ZBED6: variants seen among roughly 807,000 people sequenced by gnomAD.
The protein encoded by ZBED6 is zinc finger BED-type containing 6.
A neutral mutation model predicts 58.4 loss-of-function variants in ZBED6; 40 were observed. That is an observed-to-expected ratio of 0.68 (90% confidence interval 0.53 to 0.89). The LOEUF is 0.89. Ranked by LOEUF, ZBED6 falls within the 40% of genes least tolerant of loss-of-function variation. The pLI, the probability that ZBED6 is intolerant of heterozygous loss-of-function variation, is 0.00. For synonymous variants in ZBED6, 439 were observed against 350.6 expected (o/e 1.25, Z -2.82); for missense variants, 1,057 against 1,003.9 (o/e 1.05, Z -0.71).
chr1:203,847,389 G>A (rs1252857605), exon 12 of ZBED6: 1 of 1,613,854 alleles, frequency 6.2e-7, no homozygotes, highest in South Asian at 1.1e-5. Context: ...AAAAACATCG[G>A]CAGCAGGAAG....
At chr1:203,848,278 A>G (rs1358662400) in intron 12 of ZBED6, 53 bp from the exon 13 acceptor site, 2 of 1,445,310 alleles carry the variant, frequency 1.4e-6, no homozygotes, top group South Asian at 2.4e-5. Context: ...CATATCTATC[A>G]TGAAGTTGCA....
At chr1:203,824,646 C>T (rs533829606) in intron 3 of ZBED6, among the ~76,000 whole-genome samples, 1 of 115,250 alleles carries the variant, frequency 8.7e-6, no homozygotes, top group Non-Finnish European at 2.0e-5. Flanking sequence ...ATACTGTAAA[C>T]AAGTGTCCTT....
intron 1 of ZBED6, among the ~76,000 whole-genome samples, chr1:203,812,206 G>C (rs1271056011): frequency 6.6e-6 from 1 of 152,088 alleles, no homozygotes; most frequent in African/African-American, 2.4e-5. Flanking sequence ...TTGTTGTACA[G>C]ATTATTTCAT....
rs991581429 is a variant in ZBED6, at chr1:203,819,844, A to AT, written c.*2873+1162dup. On this transcript the variant is annotated intron_variant, in intron 3 of 16. Coordinates refer to ENST00000550078, the Ensembl canonical transcript of ZBED6. ...CCACCGCGCCCAGCCGACTCCAGCA[A>AT]TTTTTTTAAAAAGATTAACATTGAT... 2.0e-5 allele frequency among the ~76,000 whole-genome samples: 3 copies of AT among 151,514 alleles called. No homozygotes were observed. In the East Asian group the frequency reaches 5.8e-4, roughly 29 times the overall value.
At chr1:203,799,396 T>G in exon 1 of ZBED6, 1 of 703,246 alleles carries the variant, frequency 1.4e-6, no homozygotes, top group Non-Finnish European at 2.6e-6. Context: ...GCCCGTCAGA[T>G]ACTGCAAGAG....
chr1:203,841,812 T>G (rs1558137791), intron 11 of ZBED6, among the ~76,000 whole-genome samples: 7 of 143,216 alleles, frequency 4.9e-5, no homozygotes, highest in Non-Finnish European at 9.4e-5. Context: ...ACGGGGCGGC[T>G]GCCGGGCGGA....
chr1:203,848,009 C>T (rs957208547), intron 12 of ZBED6, among the ~76,000 whole-genome samples: 1 of 152,098 alleles, frequency 6.6e-6, no homozygotes, highest in Admixed American at 6.5e-5. Context: ...ACATGTGCCA[C>T]CACACCCCGC....
intron 10 of ZBED6, among the ~76,000 whole-genome samples, chr1:203,839,557 C>T (rs1359023359): frequency 6.6e-6 from 1 of 152,016 alleles, no homozygotes; most frequent in East Asian, 1.9e-4. Flanking sequence ...AGTAGACGTT[C>T]CTGTTTGGAG....
At chr1:203,807,564 C>T (rs1180422998) in intron 1 of ZBED6, among the ~76,000 whole-genome samples, 3 of 149,668 alleles carry the variant, frequency 2.0e-5, no homozygotes, top group African/African-American at 7.4e-5. Flanking sequence ...TCTCGCTCTG[C>T]CTCCCAGGCT....
exon 1 of ZBED6, chr1:203,799,073 C>A (rs758254040): frequency 6.5e-7 from 1 of 1,535,938 alleles, no homozygotes; most frequent in African/African-American, 1.4e-5. Context: ...GCAGGATCCC[C>A]GATTTTAGAA....
chr1:203,833,378 A>C (rs1431905597), intron 8 of ZBED6, among the ~76,000 whole-genome samples: 1 of 148,510 alleles, frequency 6.7e-6, no homozygotes, highest in Admixed American at 6.7e-5. Context: ...AAAAAAAAAA[A>C]AAAAAACACC....
At chr1:203,849,759 A>G in exon 14 of ZBED6, 1 of 1,613,960 alleles carries the variant, frequency 6.2e-7, no homozygotes, top group Non-Finnish European at 8.5e-7. Context: ...TCAAGTCAAG[A>G]GATGTGAGAC....
At chr1:203,829,385 A>G (rs1681546586) in intron 4 of ZBED6, 66 bp from the exon 5 acceptor site, 4 of 1,539,438 alleles carry the variant, frequency 2.6e-6, no homozygotes, top group Non-Finnish European at 3.6e-6. Context: ...ATAGGTGGTC[A>G]GGAATTTTTG....
chr1:203,819,887 T>C (rs914627491), intron 3 of ZBED6, among the ~76,000 whole-genome samples: 41 of 151,996 alleles, frequency 2.7e-4, no homozygotes, highest in African/African-American at 9.6e-4. Context: ...CATCGTTTAA[T>C]CCTTTGATCT....
chr1:203,829,972 C>G lies in ZBED6; in HGVS notation c.*3318+76C>G, dbSNP rs1681730200. The stretch of plus-strand genomic sequence containing the variant: ...TGAAATTTAGTTCACAATCATTGAC[C>G]TCCCTCTTCTTTTTCCCATGCTACA... On this transcript the variant is annotated intron_variant, in intron 6 of 16. Transcript: ENST00000550078. 2.1e-6 allele frequency: 3 copies of G among 1,420,896 alleles called. No homozygotes were observed. The East Asian group carries it at 6.8e-5, about 32-fold the overall frequency. The allele number at this position is 1,420,896 out of a possible 1,614,324, so 88.0% of individuals were successfully genotyped here.
chr1:203,830,489 G>C (rs2103022144), intron 7 of ZBED6, among the ~76,000 whole-genome samples: 1 of 152,288 alleles, frequency 6.6e-6, no homozygotes, highest in South Asian at 2.1e-4. Flanking sequence ...AATTCTGTAA[G>C]TTCTTATAGT....
chr1:203,848,944 G>T (rs140130819), intron 13 of ZBED6, among the ~76,000 whole-genome samples: 8 of 152,272 alleles, frequency 5.3e-5, no homozygotes, highest in Middle Eastern at 3.4e-3. Flanking sequence ...GAGTGCAGTG[G>T]CATGATCTCG....
intron 9 of ZBED6, among the ~76,000 whole-genome samples, chr1:203,834,564 G>T (rs1386882183): frequency 6.6e-6 from 1 of 152,066 alleles, no homozygotes; most frequent in African/African-American, 2.4e-5. Flanking sequence ...GAGATACCAT[G>T]CTTGGCTGCT....
At chr1:203,837,449 T>C (rs1389514192) in intron 9 of ZBED6, among the ~76,000 whole-genome samples, 1 of 148,884 alleles carries the variant, frequency 6.7e-6, no homozygotes, top group Non-Finnish European at 1.5e-5. Flanking sequence ...CTTTCCCTTG[T>C]CTCTCTTTTT....
Sources: allele counts gnomAD v4.1 joint callset (sites outside exome capture counted in the v4.1 genomes callset), GRCh38; gene constraint gnomAD v4.1.1; transcripts MANE v1.5; gene names NCBI Gene and HGNC (gene_info 2026-07-23, HGNC 2026-07-21).